The following PDS5B variants were observed in gnomAD, a reference collection of about 807,000 sequenced individuals.
The protein encoded by PDS5B is sister chromatid cohesion protein PDS5 homolog B.
PDS5B carries 51 observed loss-of-function variants against 184.1 expected under a neutral mutation model. That is an observed-to-expected ratio of 0.28 (90% CI 0.22 to 0.35). The LOEUF (loss-of-function observed/expected upper bound fraction) is 0.35. Ranked by LOEUF, PDS5B falls within the 10% of genes least tolerant of loss-of-function variation. PDS5B has a pLI of 1.00. For synonymous variants in PDS5B, 566 were observed against 569.2 expected (o/e 0.99, Z 0.08); for missense variants, 1,180 against 1,723.3 (o/e 0.68, Z 5.58).
chr13:32,775,059 G>GTAAT lies in PDS5B; in HGVS notation c.*12_*15dup, dbSNP rs1555322421. 9 of 1,335,100 alleles carry GTAAT rather than the reference G, an allele frequency of 6.7e-6. No individual in the cohort carries two copies. The highest frequency in any genetic ancestry group is 7.4e-6 in the Non-Finnish European group (7 of 952,026). The allele number at this position is 1,335,100 out of a possible 1,614,324, so 82.7% of individuals were successfully genotyped here. ...TAAAAGGGAACGGCGATGAACAAAT[G>GTAAT]TAATTAATAACTTTCTCTGTGAAAG... On this transcript the variant is annotated 3_prime_UTR_variant, in exon 35 of 35. Coordinates refer to ENST00000315596, the MANE Select transcript of PDS5B (RefSeq NM_015032.4).
chr13:32,663,591 T>C (rs373160209), intron 6 of PDS5B, among the ~76,000 whole-genome samples: 27 of 152,346 alleles, frequency 1.8e-4, no homozygotes, highest in African/African-American at 6.5e-4. Flanking sequence ...TAAGGAGATA[T>C]GTATGATACA....
In PDS5B at chr13:32,659,250, G is replaced by A. The variant is rs1473202090; in HGVS notation, c.594G>A (p.Thr198=). The A allele has an allele frequency of 1.2e-5, 19 of 1,590,462 alleles. No homozygotes were observed. The highest frequency in any genetic ancestry group is 1.5e-5 in the Non-Finnish European group (17 of 1,165,026). ...GDTVSQELLD[T]VLVNLVPAHK... Reference sequence around the variant, plus strand: ...CAGTGTCTCAGGAGCTTTTGGATACGGTTTTAGTAAATCTGGTACCTGCTC... The same window carrying A: ...CAGTGTCTCAGGAGCTTTTGGATACAGTTTTAGTAAATCTGGTACCTGCTC... The change falls in exon 6 of 35, where the codon ACG becomes ACA. Residue 198 remains threonine, a synonymous_variant. Transcript: ENST00000315596.
chr13:32,770,234 T>G lies in PDS5B; in HGVS notation c.3738T>G (p.Ser1246Arg), dbSNP rs1167067651. 1 of 1,613,852 alleles carries G rather than the reference T, an allele frequency of 6.2e-7. No homozygotes were observed. The highest frequency in any genetic ancestry group is 8.5e-7 in the Non-Finnish European group (1 of 1,179,964). ...TACAGGAACAGAAACCTAAAGGCAG[T>G]CAGCGAAGTCGGAAAAGAGGCCATA... The part of the protein sequence containing the change: ...KLVQEQKPKG[S>R]QRSRKRGHTA... The change falls in exon 32 of 35, where the codon AGT becomes AGG. Residue 1246 changes from serine (S) to arginine (R), a missense_variant. Physicochemically the swap from Ser to Arg is moderately radical, Grantham distance 110 (BLOSUM62 -1). Around this residue, in one of 11 missense-constraint regions of PDS5B, gnomAD observed 465 missense variants for 497.8 expected, o/e 0.93. Transcript: ENST00000315596.
At chr13:32,687,592 T>A (rs529609407) in intron 12 of PDS5B, among the ~76,000 whole-genome samples, 1 of 152,328 alleles carries the variant, frequency 6.6e-6, no homozygotes, top group East Asian at 1.9e-4. Context: ...GTTACAAGGA[T>A]CTTCATTAAT....
intron 21 of PDS5B, among the ~76,000 whole-genome samples, chr13:32,737,315 A>G (rs1023998907): frequency 2.0e-5 from 3 of 152,042 alleles, no homozygotes; most frequent in Non-Finnish European, 4.4e-5. Flanking sequence ...TTTTCTGGTC[A>G]CCTTATGTCT....
intron 6 of PDS5B, among the ~76,000 whole-genome samples, chr13:32,665,309 G>A (rs938158169): frequency 1.3e-5 from 2 of 151,572 alleles, no homozygotes; most frequent in African/African-American, 2.4e-5. Flanking sequence ...ACGTCTTTGG[G>A]GGCTGGGCAC....
chr13:32,707,836 G>T (rs1287144354), intron 18 of PDS5B, among the ~76,000 whole-genome samples: 1 of 151,416 alleles, frequency 6.6e-6, no homozygotes, highest in Non-Finnish European at 1.5e-5. Context: ...CATATTTGGG[G>T]CATCATACTA....
At chr13:32,623,315 AT>A (rs1392398947) in intron 1 of PDS5B, among the ~76,000 whole-genome samples, 2 of 152,172 alleles carry the variant, frequency 1.3e-5, no homozygotes, top group African/African-American at 4.8e-5. Flanking sequence ...TCAGCAAGTA[AT>A]TATAAAAAAG....
At chr13:32,744,524 CT>C (rs1410890211) in intron 23 of PDS5B, among the ~76,000 whole-genome samples, 6 of 152,010 alleles carry the variant, frequency 3.9e-5, no homozygotes, top group Non-Finnish European at 5.9e-5. Context: ...GAAAAGTTTC[CT>C]CTGCTTAATA....
chr13:32,681,136 G>C (rs1306524699), intron 10 of PDS5B, among the ~76,000 whole-genome samples: 1 of 152,148 alleles, frequency 6.6e-6, no homozygotes, highest in Admixed American at 6.5e-5. Flanking sequence ...AGTAGCCTTA[G>C]AGTCAGTCAT....
intron 1 of PDS5B, among the ~76,000 whole-genome samples, chr13:32,645,013 T>C (rs1240697721): frequency 6.6e-6 from 1 of 152,210 alleles, no homozygotes; most frequent in Non-Finnish European, 1.5e-5. Context: ...TCTTTTCTTT[T>C]TTCTTTTCCT....
intron 1 of PDS5B, among the ~76,000 whole-genome samples, chr13:32,587,900 T>G (rs988037483): frequency 6.6e-6 from 1 of 152,188 alleles, no homozygotes; most frequent in Non-Finnish European, 1.5e-5. Context: ...TGGGTAATCC[T>G]ATACTATCTT....
chr13:32,731,361 A>C (rs140444537), intron 19 of PDS5B, among the ~76,000 whole-genome samples: 20 of 152,302 alleles, frequency 1.3e-4, no homozygotes, highest in African/African-American at 4.6e-4. Flanking sequence ...AATACGATGC[A>C]TGAATGTTCT....
At chr13:32,762,709 A>G (rs1954450657) in intron 30 of PDS5B, among the ~76,000 whole-genome samples, 1 of 152,122 alleles carries the variant, frequency 6.6e-6, no homozygotes, top group Non-Finnish European at 1.5e-5. Context: ...AAGTTTTGCT[A>G]ACTTTTTTTC....
intron 1 of PDS5B, 142 bp from the exon 2 acceptor site, chr13:32,648,612 A>AT: frequency 1.9e-6 from 1 of 538,576 alleles, no homozygotes; most frequent in East Asian, 3.1e-5. Context: ...CAATAGAGTG[A>AT]TTTTCATTAA....
At chr13:32,738,323 T>C (rs993674248) in intron 21 of PDS5B, among the ~76,000 whole-genome samples, 2 of 152,242 alleles carry the variant, frequency 1.3e-5, no homozygotes, top group African/African-American at 2.4e-5. Flanking sequence ...TTAAAACTTA[T>C]TTTTCTATTA....
Position 32,758,070 on chromosome 13 carries a change from C to CTTTTTTTTTTTTTTATTTTTTTTTTTT in PDS5B, c.3057-2_3057-1insTTTTTTTTTTTTTTTTTTTTTTTTTTA. ...GATTTTCTTCTATATTTCTTTTTTC[C>CTTTTTTTTTTTTTTATTTTTTTTTTTT]TTTTTTTTTTTTTTAGATGTCTTTG... On this transcript the variant is annotated splice_polypyrimidine_tract_variant and intron_variant, in intron 26 of 34. Coordinates refer to ENST00000315596, the MANE Select transcript of PDS5B (RefSeq NM_015032.4). 1.1e-6 allele frequency: 1 copy of CTTTTTTTTTTTTTTATTTTTTTTTTTT among 930,838 alleles called. No homozygotes were observed. The highest frequency in any genetic ancestry group is 1.4e-6 in the Non-Finnish European group (1 of 690,300). The allele number at this position is 930,838 out of a possible 1,614,324, so 57.7% of individuals were successfully genotyped here. A position where few individuals can be genotyped will look rare whatever the true frequency, so the allele number is the denominator to read the frequency against.
chr13:32,717,247 A>T (rs1368440346), intron 19 of PDS5B, among the ~76,000 whole-genome samples: 1 of 151,994 alleles, frequency 6.6e-6, no homozygotes, highest in African/African-American at 2.4e-5. Context: ...GTGGAATAGA[A>T]AGGGGGGAAA....
At chr13:32,605,829 T>G (rs1017468196) in intron 1 of PDS5B, among the ~76,000 whole-genome samples, 15 of 152,198 alleles carry the variant, frequency 9.9e-5, no homozygotes, top group Admixed American at 2.0e-4. Flanking sequence ...TTTAATGGTC[T>G]TCTTTGTCTC....
Sources: allele counts gnomAD v4.1 joint callset (sites outside exome capture counted in the v4.1 genomes callset), GRCh38; gene constraint gnomAD v4.1.1; regional missense constraint gnomAD v4.1.1; transcripts MANE v1.5; gene names NCBI Gene and HGNC (gene_info 2026-07-23, HGNC 2026-07-21).